MYBL2: variants seen among roughly 807,000 people sequenced by gnomAD.
MYBL2 encodes myb-related protein B.
A neutral mutation model predicts 79.9 loss-of-function variants in MYBL2; 28 were observed. The observed-to-expected ratio is 0.35, with a 90% confidence interval of 0.26 to 0.48. MYBL2 has a LOEUF of 0.48. Ranked by LOEUF, MYBL2 falls within the 20% of genes least tolerant of loss-of-function variation. The probability of loss-of-function intolerance (pLI) is 0.99; values close to 1 mark genes in which losing one functional copy is unlikely to be tolerated. For synonymous variants in MYBL2, 378 were observed against 361.2 expected (o/e 1.05, Z -0.53); for missense variants, 735 against 893.9 (o/e 0.82, Z 2.27).
At chr20:43,710,810 G>GGT (rs573391448) in intron 10 of MYBL2, among the ~76,000 whole-genome samples, 2 of 152,288 alleles carry the variant, frequency 1.3e-5, no homozygotes, top group East Asian at 3.9e-4. Flanking sequence ...CATGAGCCGA[G>GGT]GTGAGGCACT....
intron 1 of MYBL2, among the ~76,000 whole-genome samples, chr20:43,671,301 G>A (rs577605838): frequency 1.9e-4 from 28 of 147,454 alleles, no homozygotes; most frequent in South Asian, 4.3e-4. Flanking sequence ...GATTACAGGC[G>A]CATGCCACCA....
intron 9 of MYBL2, 62 bp downstream of exon 9, chr20:43,705,420 C>T: frequency 6.6e-7 from 1 of 1,510,066 alleles, no homozygotes; most frequent in East Asian, 2.4e-5. Flanking sequence ...AGACCATGGG[C>T]CTTGGGACCA....
intron 5 of MYBL2, among the ~76,000 whole-genome samples, chr20:43,690,192 GTT>G (rs59061107): frequency 2.1e-5 from 3 of 142,810 alleles, no homozygotes; most frequent in African/African-American, 2.5e-5. Flanking sequence ...GCTGTTTTTT[GTT>G]TTTTTTTTTT....
intron 2 of MYBL2, among the ~76,000 whole-genome samples, chr20:43,676,456 T>C (rs1987012123): frequency 6.6e-6 from 1 of 152,218 alleles, no homozygotes; most frequent in South Asian, 2.1e-4. Context: ...ACGGTTACAT[T>C]CTTTGCGTCT....
intron 7 of MYBL2, among the ~76,000 whole-genome samples, chr20:43,701,789 G>T (rs1987679125): frequency 6.6e-6 from 1 of 152,210 alleles, no homozygotes; most frequent in African/African-American, 2.4e-5. Flanking sequence ...GGGAGGCTGA[G>T]GTGAGAGGAT....
chr20:43,688,798 A>G (rs1363182878), intron 5 of MYBL2, among the ~76,000 whole-genome samples: 1 of 151,292 alleles, frequency 6.6e-6, no homozygotes, highest in Non-Finnish European at 1.5e-5. Flanking sequence ...TCAATATTAT[A>G]TTTTTTTTAA....
chr20:43,700,982 G>A (rs112576116), intron 7 of MYBL2, among the ~76,000 whole-genome samples: 22 of 152,246 alleles, frequency 1.4e-4, no homozygotes, highest in African/African-American at 5.3e-4. Context: ...TGCTTGCCGC[G>A]TGCCAGGCCC....
chr20:43,676,614 G>T (rs189768271), intron 2 of MYBL2, among the ~76,000 whole-genome samples: 21 of 152,178 alleles, frequency 1.4e-4, no homozygotes, highest in Non-Finnish European at 7.3e-5. Context: ...CGTGTATAGC[G>T]CTACCTTGAA....
At chr20:43,700,901 C>T (rs1303213671) in intron 7 of MYBL2, among the ~76,000 whole-genome samples, 1 of 152,162 alleles carries the variant, frequency 6.6e-6, no homozygotes, top group Non-Finnish European at 1.5e-5. Flanking sequence ...AGGCACAGCT[C>T]GCTTGTATTG....
intron 4 of MYBL2, 88 bp downstream of exon 4, chr20:43,682,974 G>A (rs1987178741): frequency 7.7e-7 from 1 of 1,295,786 alleles, no homozygotes. Flanking sequence ...GTTGGGGTTG[G>A]GGGTGTCAAG....
At chr20:43,713,441 G>A (rs1432696440) in intron 12 of MYBL2, among the ~76,000 whole-genome samples, 1 of 149,772 alleles carries the variant, frequency 6.7e-6, no homozygotes, top group African/African-American at 2.5e-5. Context: ...AGGCTGGAGT[G>A]CAATGGTGCC....
chr20:43,698,859 T>C (rs1346339297), intron 6 of MYBL2, among the ~76,000 whole-genome samples: 1 of 108,016 alleles, frequency 9.3e-6, no homozygotes, highest in African/African-American at 3.5e-5. Flanking sequence ...TTTTTTTTTA[T>C]TAGAGTCTTG....
chr20:43,679,862 G>A (rs1334776860), intron 2 of MYBL2, among the ~76,000 whole-genome samples: 1 of 151,256 alleles, frequency 6.6e-6, no homozygotes, highest in East Asian at 1.9e-4. Context: ...GGGGTGGGCT[G>A]TGTTTGCACC....
At chr20:43,692,564 C>T (rs1987439265) in intron 6 of MYBL2, among the ~76,000 whole-genome samples, 1 of 152,184 alleles carries the variant, frequency 6.6e-6, no homozygotes. Flanking sequence ...CAGCCTCCAT[C>T]TCTCCTTGCT....
At chr20:43,677,653 G>A (rs1404452787) in intron 2 of MYBL2, among the ~76,000 whole-genome samples, 17 of 151,844 alleles carry the variant, frequency 1.1e-4, no homozygotes, top group African/African-American at 3.1e-4. Context: ...CCCTCTGCCT[G>A]GCCAGCCGCC....
intron 6 of MYBL2, among the ~76,000 whole-genome samples, chr20:43,698,640 T>C (rs1414892420): frequency 1.3e-5 from 2 of 149,950 alleles, no homozygotes; most frequent in Non-Finnish European, 3.0e-5. Context: ...GGCCTCCCAA[T>C]GTGCTGGGAT....
chr20:43,713,992 C>T (rs914368729), intron 12 of MYBL2, among the ~76,000 whole-genome samples: 2 of 152,168 alleles, frequency 1.3e-5, no homozygotes. Context: ...GCTGCCCTCA[C>T]GGTCCTTGCA....
At chr20:43,715,442 C>T (rs948404037) in intron 13 of MYBL2, among the ~76,000 whole-genome samples, 159 bp downstream of exon 13, 1 of 152,190 alleles carries the variant, frequency 6.6e-6, no homozygotes, top group Non-Finnish European at 1.5e-5. Context: ...TGCTACTTCC[C>T]GTGGCTGCAT....
At position 43,687,012 on chromosome 20, in the gene MYBL2, G is replaced by T. The variant is rs775536643; in HGVS notation, c.440G>T (p.Cys147Phe). The T allele has an allele frequency of 9.3e-6, 15 of 1,613,974 alleles. No homozygotes were observed. The South Asian group carries it at 1.5e-4, about 17-fold the overall frequency. The change falls in exon 5 of 14, where the codon TGC becomes TTC. Residue 147 changes from cysteine (C) to phenylalanine (F), a missense_variant. Coordinates refer to ENST00000217026, the MANE Select transcript of MYBL2 (RefSeq NM_002466.4). ...ACCGAGGAGGAGGACCGCATCATCTGCGAGGCCCACAAGGTGCTGGGCAAC... is the reference window on the plus strand; with the variant it reads ...ACCGAGGAGGAGGACCGCATCATCTTCGAGGCCCACAAGGTGCTGGGCAAC... ...CWTEEEDRII[C>F]EAHKVLGNRW...
Sources: gnomAD v4.1 joint callset for allele counts (sites outside exome capture counted in the v4.1 genomes callset) on GRCh38, gnomAD v4.1.1 for gene constraint, MANE v1.5 for transcripts, NCBI Gene and HGNC (gene_info 2026-07-23, HGNC 2026-07-21) for gene names.